The following FRMPD4 variants were observed in gnomAD, a reference collection of about 807,000 sequenced individuals.
FRMPD4 encodes FERM and PDZ domain containing 4.
Under a neutral mutation model 94.1 loss-of-function variants are expected in FRMPD4, and 22 were observed. The ratio of observed to expected loss-of-function variants is 0.23; its 90% CI spans 0.17 to 0.33. The LOEUF (loss-of-function observed/expected upper bound fraction) is 0.33. Among genes scored for constraint, FRMPD4 ranks in the 10% least tolerant of loss-of-function variants. FRMPD4 has a pLI of 1.00. For missense variants in FRMPD4, 1,111 were observed against 1,339.9 expected, an observed-to-expected ratio of 0.83 and a Z score of 2.67; for synonymous variants, 631 against 548.6, an observed-to-expected ratio of 1.15 and a Z score of -2.10.
intron 2 of FRMPD4, among the ~76,000 whole-genome samples, chrX:12,598,605 A>G (rs936832565): frequency 9.0e-6 from 1 of 111,534 alleles, no homozygotes; most frequent in African/African-American, 3.3e-5. Flanking sequence ...GATTCAGTTC[A>G]CATGTACAAG....
At chrX:12,305,725 G>GTTTTTTTTTTTTTTTTTTTTTTTT (rs58794898) in intron 1 of FRMPD4, among the ~76,000 whole-genome samples, 4 of 59,701 alleles carry the variant, frequency 6.7e-5, no homozygotes, top group East Asian at 6.9e-4. Flanking sequence ...AGCTGGCTAA[G>GTTTTTTTTTTTTTTTTTTTTTTTT]TTTTTTTTTT....
intron 2 of FRMPD4, among the ~76,000 whole-genome samples, chrX:12,513,354 T>C (rs1428761423): frequency 8.9e-6 from 1 of 112,038 alleles, no homozygotes; most frequent in East Asian, 2.8e-4. Flanking sequence ...TTTTGTGTTT[T>C]ACATTTAAGT....
At chrX:12,025,462 C>T (rs1020366812) in intron 3 of FRMPD4, among the ~76,000 whole-genome samples, 6 of 111,164 alleles carry the variant, frequency 5.4e-5, no homozygotes, top group Admixed American at 3.8e-4. Context: ...TTAAAATGGC[C>T]CTCAACAAGC....
chrX:12,571,850 T>C (rs1269163680), intron 2 of FRMPD4, among the ~76,000 whole-genome samples: 1 of 112,455 alleles, frequency 8.9e-6, no homozygotes, highest in Admixed American at 9.4e-5. Flanking sequence ...AAGCTTTCAT[T>C]TGCTTCAAAA....
intron 2 of FRMPD4, among the ~76,000 whole-genome samples, chrX:12,513,155 A>T: frequency 8.9e-6 from 1 of 111,900 alleles, no homozygotes; most frequent in East Asian, 2.8e-4. Flanking sequence ...ATTTTCTCCC[A>T]TTCTATATAT....
intron 1 of FRMPD4, among the ~76,000 whole-genome samples, chrX:12,472,360 G>C (rs1036897982): frequency 1.8e-5 from 2 of 112,116 alleles, no homozygotes; most frequent in African/African-American, 3.2e-5. Context: ...CAATCATCTT[G>C]TTCTCCCCAA....
chrX:12,004,816 C>A (rs981170245), intron 3 of FRMPD4, among the ~76,000 whole-genome samples: 1 of 109,856 alleles, frequency 9.1e-6, no homozygotes, highest in East Asian at 2.9e-4. Context: ...GCCAAGTAAT[C>A]CCCCATCCTT....
At chrX:12,329,240 G>A (rs1405829967) in intron 1 of FRMPD4, among the ~76,000 whole-genome samples, 1 of 111,809 alleles carries the variant, frequency 8.9e-6, no homozygotes, top group African/African-American at 3.2e-5. Flanking sequence ...TCTCTGGAAT[G>A]GGGGGCCTTA....
chrX:11,926,927 G>A (rs1363989297), intron 3 of FRMPD4, among the ~76,000 whole-genome samples: 2 of 111,150 alleles, frequency 1.8e-5, no homozygotes, highest in Non-Finnish European at 3.8e-5. Context: ...AGAAATAAAT[G>A]GTATCCAAAT....
At chrX:12,477,026 T>A (rs1174700364) in intron 1 of FRMPD4, among the ~76,000 whole-genome samples, 4 of 111,570 alleles carry the variant, frequency 3.6e-5, no homozygotes, top group Admixed American at 9.5e-5. Context: ...TGTGGCACTA[T>A]TCACAATAGC....
rs369700317 is a variant in FRMPD4 at position 12,563,239 on chromosome X, TAC to T, written c.159-46448_159-46447del. Among the ~76,000 whole-genome samples, 833 of 97,064 alleles carry T rather than the reference TAC, an allele frequency of 8.6e-3. 5 individuals are homozygous for T. The highest frequency in any genetic ancestry group is 0.013 in the Admixed American group (115 of 8,841). The allele number at this position is 97,064 out of a possible 115,157, so 84.3% of individuals were successfully genotyped here. On this transcript the variant is annotated intron_variant, in intron 2 of 16. Coordinates refer to ENST00000675598, the MANE Select transcript of FRMPD4 (RefSeq NM_001368397.1). ...TCACAATTTTATGCATGTAAGTGTG[TAC>T]ACACACACACACACACACACACACA...
intron 1 of FRMPD4, among the ~76,000 whole-genome samples, chrX:12,191,732 G>T (rs1157621421): frequency 8.9e-6 from 1 of 111,838 alleles, no homozygotes; most frequent in East Asian, 2.8e-4. Context: ...GTTGCCCGGG[G>T]TTGTAGAGAG....
At chrX:12,058,973 A>G (rs915481534) in intron 3 of FRMPD4, among the ~76,000 whole-genome samples, 6 of 106,914 alleles carry the variant, frequency 5.6e-5, no homozygotes, top group African/African-American at 1.7e-4. Flanking sequence ...AAGTGAAAAA[A>G]GCAGTCTCTA....
chrX:12,717,879 C>T lies in FRMPD4; in HGVS notation c.3053C>T (p.Ser1018Leu), dbSNP rs199972310. ...TATTTTAGCAAACTGCACATGGGGT[C>T]GGTGGCATACTCCTGCACTAGCAAA... ...TDYFSKLHMG[S>L]VAYSCTSKRK... The change falls in exon 16 of 17, where the codon TCG (serine) becomes TTG (leucine). Residue 1018 changes from serine to leucine, a missense_variant. Transcript: ENST00000675598. 15 of 1,209,831 alleles carry T rather than the reference C, an allele frequency of 1.2e-5. No individual in the cohort carries two copies. Among genetic ancestry groups the T allele is most frequent in the African/African-American group, 8.7e-5 (5 of 57,264 alleles).
intron 3 of FRMPD4, among the ~76,000 whole-genome samples, chrX:11,978,997 A>G (rs751979391): frequency 1.8e-5 from 2 of 111,441 alleles, no homozygotes; most frequent in African/African-American, 6.5e-5. Flanking sequence ...GGTAAAGTAT[A>G]TATGTAAAAG....
Position 11,995,854 on chromosome X carries a change from C to A in FRMPD4, c.95+117836C>A, listed in dbSNP as rs7890969. ...GAATGTCCATTTCCATAATTAATAT[C>A]AAAATACATTTGAAATAGCATAAGA... On this transcript the variant is annotated intron_variant, in intron 3 of 18. Transcript: ENST00000640291. Among the ~76,000 whole-genome samples the A allele has an allele frequency of 8.1e-3, 902 of 111,855 alleles. 7 individuals carry two copies. The highest frequency in any genetic ancestry group is 0.028 in the African/African-American group (850 of 30,881).
chrX:12,413,912 C>CAGTCTTCT (rs2148071267), intron 1 of FRMPD4, among the ~76,000 whole-genome samples: 1 of 112,061 alleles, frequency 8.9e-6, no homozygotes, highest in Non-Finnish European at 1.9e-5. Flanking sequence ...GGCAATATTT[C>CAGTCTTCT]AGTCTTCTAT....
At chrX:12,176,726 C>A (rs2056300125) in intron 1 of FRMPD4, among the ~76,000 whole-genome samples, 1 of 112,141 alleles carries the variant, frequency 8.9e-6, no homozygotes, top group South Asian at 3.7e-4. Context: ...GTATTCTGAA[C>A]ATGAGAACAA....
chrX:12,126,010 G>C, intron 3 of FRMPD4, among the ~76,000 whole-genome samples: 1 of 112,008 alleles, frequency 8.9e-6, no homozygotes, highest in East Asian at 2.8e-4. Context: ...AGAGTCCAAG[G>C]GTGTCCCCAA....
Sources: gnomAD v4.1 joint callset for allele counts (sites outside exome capture counted in the v4.1 genomes callset) on GRCh38, gnomAD v4.1.1 for gene constraint, MANE v1.5 for transcripts, NCBI Gene and HGNC (gene_info 2026-07-23, HGNC 2026-07-21) for gene names.